Variants in MDN1 observed in about 807,000 individuals in gnomAD.
The protein encoded by MDN1 is midasin AAA ATPase 1.
In MDN1, 266 loss-of-function variants were observed where a neutral mutation model predicts 669.2. The observed-to-expected ratio is 0.40, with a 90% CI of 0.36 to 0.44. The LOEUF (loss-of-function observed/expected upper bound fraction) is 0.44, where lower values mean the gene tolerates loss of function less well. Ranked by LOEUF, MDN1 falls within the 20% of genes least tolerant of loss-of-function variation. The probability of loss-of-function intolerance (pLI) is 1.00; values close to 1 mark genes in which losing one functional copy is unlikely to be tolerated. For missense variants in MDN1, 5,940 were observed against 6,754.0 expected, an observed-to-expected ratio of 0.88 and a Z score of 4.22; for synonymous variants, 2,385 against 2,457.1, an observed-to-expected ratio of 0.97 and a Z score of 0.87.
rs759159931 is a variant in MDN1 at position 89,745,516 on chromosome 6, T to C, written c.4015A>G (p.Lys1339Glu). ...KKLCPQSLFS[K>E]ENVLKLLGKL... ...CCCAGCAATTTTAGAACATTTTCTT[T>C]GGAGAAAAGAGATTGAGGACACAAT... The change falls in exon 28 of 102, where the codon AAA becomes GAA. Residue 1339 changes from lysine (K) to glutamate (E), a missense_variant. This residue lies in a region of MDN1 where 2,292 missense variants were observed against 2,638.3 expected (regional missense o/e 0.87). Transcript: ENST00000369393. 5.6e-6 allele frequency: 9 copies of C among 1,614,068 alleles called. No homozygotes were observed. The African/African-American group carries it at 1.1e-4, about 19-fold the overall frequency.
chr6:89,754,214 G>A lies in MDN1; in HGVS notation c.2833C>T (p.Arg945Trp), dbSNP rs781564679. ...ACCAGTTTGGTCCCAGACTCTTTCC[G>A]CAAAGCTGTGTAGAAGCTACAAATA... is the stretch of plus-strand genomic sequence containing the variant. The part of the protein sequence containing the change: ...QGIINFYTAL[R>W]KESGTKLVDG... Residue 945 changes from arginine to tryptophan, a missense_variant, in exon 21 of 102, where the codon CGG (arginine) becomes TGG (tryptophan). Physicochemically the swap from Arg to Trp is moderately radical, Grantham distance 101. Transcript: ENST00000369393. 6.8e-6 allele frequency: 11 copies of A among 1,613,520 alleles called. No individual in the cohort carries two copies. The East Asian group carries it at 1.3e-4, about 20-fold the overall frequency.
Position 89,785,117 on chromosome 6 carries a change from G to T in MDN1, c.1344C>A (p.Ser448Arg), listed in dbSNP as rs1818887191. 6.2e-7 allele frequency: 1 copy of T among 1,611,010 alleles called. No homozygotes were observed. Among genetic ancestry groups the T allele is most frequent in the East Asian group, 2.2e-5 (1 of 44,868 alleles). ...FQFFATRRLL[S>R]CGGNWYRPLN... Reference sequence around the variant, plus strand: ...GCGGTCGATACCAATTTCCTCCACAGCTCAAGAGTCTACGTTTCAAAATAA... The same window carrying T: ...GCGGTCGATACCAATTTCCTCCACATCTCAAGAGTCTACGTTTCAAAATAA... The change falls in exon 9 of 102, where the codon AGC becomes AGA. Residue 448 changes from serine (S) to arginine (R), a missense_variant. Physicochemically the swap from Ser to Arg is moderately radical, Grantham distance 110 (BLOSUM62 -1). This residue lies in a region of MDN1 where 1,203 missense variants were observed against 1,268.9 expected (regional missense o/e 0.95). Transcript: ENST00000369393.
rs543568500 is a variant in MDN1 at position 89,714,953 on chromosome 6, T to A, written c.6861-202A>T. Among the ~76,000 whole-genome samples the A allele has an allele frequency of 2.0e-5, 3 of 152,328 alleles. No individual in the cohort carries two copies. In the East Asian group the frequency reaches 5.8e-4, roughly 29 times the overall value. On this transcript the variant is annotated intron_variant, in intron 45 of 101. Transcript: ENST00000369393. ...CTTTCCTAAGGAACTGTGTATGATA[T>A]ATCCAGTGTACCTTTAGTGCTGAGA...
intron 7 of MDN1, 99 bp from the exon 8 acceptor site, chr6:89,788,056 T>A: frequency 9.6e-7 from 1 of 1,037,542 alleles, no homozygotes. Context: ...GACACACCCT[T>A]AAAGGAAACG....
chr6:89,686,730 C>A (rs926468253), intron 69 of MDN1, among the ~76,000 whole-genome samples, 172 bp downstream of exon 69: 1 of 152,196 alleles, frequency 6.6e-6, no homozygotes, highest in Admixed American at 6.5e-5. Flanking sequence ...TAGATAAGCA[C>A]GATTTACAGT....
chr6:89,745,452 A>C, intron 28 of MDN1, 40 bp downstream of exon 28: 1 of 1,613,844 alleles, frequency 6.2e-7, no homozygotes, highest in Non-Finnish European at 8.5e-7. Context: ...TAATGAGTAC[A>C]ACTCAAATCA....
intron 51 of MDN1, among the ~76,000 whole-genome samples, chr6:89,707,928 A>G (rs1813628623): frequency 6.6e-6 from 1 of 152,202 alleles, no homozygotes; most frequent in South Asian, 2.1e-4. Context: ...TGAGGACAGG[A>G]AATGATGTGG....
intron 1 of MDN1, among the ~76,000 whole-genome samples, chr6:89,813,924 T>TA (rs61034558): frequency 0.11 from 14,510 of 135,520 alleles, 846 homozygotes; most frequent in Middle Eastern, 0.14. Flanking sequence ...ACCTAAGATT[T>TA]AAAAAAAAAA....
At chr6:89,682,478 G>A (rs1310640800) in intron 73 of MDN1, among the ~76,000 whole-genome samples, 1 of 152,058 alleles carries the variant, frequency 6.6e-6, no homozygotes, top group African/African-American at 2.4e-5. Flanking sequence ...GGAGGCTGAG[G>A]TGGGCAGATC....
At chr6:89,671,898 C>T (rs754620507) in intron 82 of MDN1, among the ~76,000 whole-genome samples, 5 of 152,136 alleles carry the variant, frequency 3.3e-5, no homozygotes, top group African/African-American at 4.8e-5. Flanking sequence ...TTGATAACAT[C>T]GTCTATCAGT....
intron 48 of MDN1, 67 bp downstream of exon 48, chr6:89,712,508 T>G: frequency 6.8e-7 from 1 of 1,478,962 alleles, no homozygotes. Context: ...TATTGTGTCC[T>G]GACCATTTCC....
chr6:89,787,834 G>C lies in MDN1; in HGVS notation c.1334+20C>G, dbSNP rs757789639. ...AGTAAGTGGCTCCAGAGTGAAAACAGAAAGGTTACTAGTACATACCTCCTG... is the reference window on the plus strand; with the variant it reads ...AGTAAGTGGCTCCAGAGTGAAAACACAAAGGTTACTAGTACATACCTCCTG... On this transcript the variant is annotated intron_variant, in intron 8 of 101. Coordinates refer to ENST00000369393, the MANE Select transcript of MDN1 (RefSeq NM_014611.3). 13 of 1,581,484 alleles carry C rather than the reference G, an allele frequency of 8.2e-6. No individual in the cohort carries two copies. In the African/African-American group the frequency reaches 1.8e-4, roughly 22 times the overall value.
chr6:89,732,566 T>G lies in MDN1; in HGVS notation c.4933A>C (p.Ile1645Leu). 1 of 1,614,092 alleles carries G rather than the reference T, an allele frequency of 6.2e-7. No homozygotes were observed. Among genetic ancestry groups the G allele is most frequent in the South Asian group, 1.1e-5 (1 of 91,084 alleles). Residue 1645 changes from isoleucine (I) to leucine (L), a missense_variant, in exon 34 of 102, where the codon ATA becomes CTA. By Grantham distance (5) the Ile-to-Leu change is conservative. Transcript: ENST00000369393. ...CTACCAGACAACATACCTGAACCTA[T>G]TCCATCTATGTACACCAGGCATGCA... ...HAACLVYIDG[I>L]GSGVTSSGFG... is the part of the protein sequence containing the mutation.
intron 69 of MDN1, among the ~76,000 whole-genome samples, chr6:89,686,349 T>A (rs1293864470): frequency 6.6e-6 from 1 of 151,930 alleles, no homozygotes; most frequent in East Asian, 1.9e-4. Flanking sequence ...CACTTGAGCC[T>A]GGGAGGCGGA....
At position 89,743,135 on chromosome 6, in the gene MDN1, C is replaced by A. The variant is rs1187735634; in HGVS notation, c.4448+15G>T. On this transcript the variant is annotated intron_variant, in intron 31 of 101. Transcript: ENST00000369393. Reference sequence around the variant, plus strand: ...CAAAAATATCAAACACAAGGCAAACCTCTCAGGCACGTACCTGTTGAGTCT... The same window carrying A: ...CAAAAATATCAAACACAAGGCAAACATCTCAGGCACGTACCTGTTGAGTCT... 1 of 1,610,500 alleles carries A rather than the reference C, an allele frequency of 6.2e-7. No homozygotes were observed. The highest frequency in any genetic ancestry group is 1.1e-5 in the South Asian group (1 of 89,882).
chr6:89,695,838 G>A lies in MDN1; in HGVS notation c.9538C>T (p.Leu3180Phe). 6.2e-7 allele frequency: 1 copy of A among 1,613,866 alleles called. No homozygotes were observed. The highest frequency in any genetic ancestry group is 8.5e-7 in the Non-Finnish European group (1 of 1,180,032). ...ACCTCCTGACCAGCCATGTCCCCAA[G>A]TGTCTGGCCCACATGCTGGAAGGCC... Reference protein sequence around the residue: ...SQAFQHVGQTLGDMAGQEVLP... With the variant: ...SQAFQHVGQTFGDMAGQEVLP... Residue 3180 changes from leucine to phenylalanine, a missense_variant, in exon 61 of 102, where the codon CTT (leucine) becomes TTT (phenylalanine). Leu to Phe is a conservative substitution (Grantham distance 22, BLOSUM62 0). Around this residue, in one of 5 missense-constraint regions of MDN1, gnomAD observed 2,292 missense variants for 2,638.3 expected, o/e 0.87. Transcript: ENST00000369393. The surrounding 1 kb of genome is among the most constrained non-coding windows in gnomAD (Gnocchi z 4.1).
At chr6:89,700,491 A>G (rs1041652900) in intron 56 of MDN1, among the ~76,000 whole-genome samples, 155 bp downstream of exon 56, 5 of 152,114 alleles carry the variant, frequency 3.3e-5, no homozygotes, top group African/African-American at 9.7e-5. Context: ...AATATATGTG[A>G]AATTTAGTCC....
chr6:89,657,340 T>C (rs1419756439), intron 90 of MDN1, among the ~76,000 whole-genome samples: 1 of 152,198 alleles, frequency 6.6e-6, no homozygotes, highest in Non-Finnish European at 1.5e-5. Flanking sequence ...CAGTAAGAAC[T>C]AGGACTCAAA....
chr6:89,782,608 AATAATAAT>A (rs1562213949), intron 9 of MDN1, among the ~76,000 whole-genome samples: 8 of 818 alleles, frequency 9.8e-3, no homozygotes, highest in Admixed American at 0.036. Context: ...CTCAAAAAAT[AATAATAAT>A]AATAATAATA....
Sources: gnomAD v4.1 joint callset for allele counts (sites outside exome capture counted in the v4.1 genomes callset) on GRCh38, gnomAD v4.1.1 for gene constraint, gnomAD v4.1.1 regional missense constraint, Gnocchi (gnomAD v3.1) non-coding constraint, MANE v1.5 for transcripts, NCBI Gene and HGNC (gene_info 2026-07-23, HGNC 2026-07-21) for gene names.